NDUFAF6: variants seen among roughly 807,000 people sequenced by gnomAD.
The protein encoded by NDUFAF6 is NADH:ubiquinone oxidoreductase complex assembly factor 6, also known as NADH dehydrogenase (ubiquinone) complex I, assembly factor 6.
NDUFAF6 carries 45 observed loss-of-function variants against 40.8 expected under a neutral mutation model. That is an observed-to-expected ratio of 1.10 (90% confidence interval 0.87 to 1.42). The LOEUF (loss-of-function observed/expected upper bound fraction) is 1.42. Among genes scored for constraint, NDUFAF6 ranks in the 40% most tolerant of loss-of-function variants. The pLI, the probability that NDUFAF6 is intolerant of heterozygous loss-of-function variation, is 0.00. For synonymous variants in NDUFAF6, 185 were observed against 155.9 expected (o/e 1.19, Z -1.39); for missense variants, 435 against 418.5 (o/e 1.04, Z -0.34).
chr8:95,071,786 G>T (rs1832872170), intron 9 of NDUFAF6: 1 of 152,644 alleles, frequency 6.6e-6, no homozygotes, highest in Non-Finnish European at 1.5e-5. Flanking sequence ...AATTTTGAGG[G>T]CAGCGGGCAA....
In NDUFAF6 at chr8:95,005,911, A is replaced by G. The variant is rs192018221; in HGVS notation, c.-84+24938A>G. Among the ~76,000 whole-genome samples the G allele has an allele frequency of 2.5e-3, 384 of 152,230 alleles. 4 individuals carry two copies. The highest frequency in any genetic ancestry group is 8.8e-3 in the African/African-American group (366 of 41,544). The stretch of plus-strand genomic sequence containing the variant: ...TCCCCAGGAGACAATGCAGTTCCAG[A>G]AACCGGGCAGACGAGAGGAAGAACT... On this transcript the variant is annotated intron_variant, in intron 2 of 9. Coordinates refer to the NDUFAF6 transcript ENST00000396111.
intron 8 of NDUFAF6, among the ~76,000 whole-genome samples, chr8:95,057,527 C>T (rs377247429): frequency 1.3e-5 from 2 of 152,238 alleles, no homozygotes; most frequent in African/African-American, 2.4e-5. Context: ...GCCAGGCAAA[C>T]GTGATTTTGC....
chr8:95,019,571 G>GA (rs558737800), intron 2 of NDUFAF6, among the ~76,000 whole-genome samples: 5 of 151,570 alleles, frequency 3.3e-5, no homozygotes, highest in African/African-American at 7.3e-5. Flanking sequence ...AAAGATAAGA[G>GA]AAAAAAAACC....
chr8:94,917,766 A>AT (rs1819235537), intron 1 of NDUFAF6, among the ~76,000 whole-genome samples: 1 of 152,230 alleles, frequency 6.6e-6, no homozygotes, highest in Non-Finnish European at 1.5e-5. Context: ...CCTCCCCTAA[A>AT]TGTTATGAAT....
At chr8:95,053,136 GT>G (rs1446406342) in intron 8 of NDUFAF6, among the ~76,000 whole-genome samples, 1 of 152,116 alleles carries the variant, frequency 6.6e-6, no homozygotes, top group Non-Finnish European at 1.5e-5. Context: ...CTCTGTCTTA[GT>G]GTTCAGGTCT....
intron 2 of NDUFAF6, among the ~76,000 whole-genome samples, chr8:95,014,186 T>G (rs1827344468): frequency 6.6e-6 from 1 of 152,240 alleles, no homozygotes. Context: ...TTTGTGGTGC[T>G]TTATTATGGT....
intron 2 of NDUFAF6, among the ~76,000 whole-genome samples, chr8:95,083,261 C>CTG (rs4039709): frequency 0.87 from 132,374 of 152,100 alleles, 57,927 homozygotes; most frequent in East Asian, 1. Flanking sequence ...CTCCACTAAA[C>CTG]GGGCTCTGTC....
In NDUFAF6 at chr8:94,958,522, C is replaced by CTTTTTTTTTTTT. The variant is rs55703438; in HGVS notation, c.-199+362_-199+373dup. On this transcript the variant is annotated intron_variant, in intron 1 of 9. Transcript: ENST00000396111. The stretch of plus-strand genomic sequence containing the variant: ...CCCTATCTCCACACATAGTCACATT[C>CTTTTTTTTTTTT]TTTTTTTTTTTTTTTTTTTTTTTTT... 2.2e-4 allele frequency among the ~76,000 whole-genome samples: 16 copies of CTTTTTTTTTTTT among 71,276 alleles called. 3 individuals are homozygous for CTTTTTTTTTTTT. Among genetic ancestry groups the CTTTTTTTTTTTT allele is most frequent in the African/African-American group, 8.9e-4 (15 of 16,948 alleles). The allele number at this position is 71,276 out of a possible 152,430, so 46.8% of individuals were successfully genotyped here.
chr8:94,938,318 T>C (rs137879089), intron 1 of NDUFAF6, among the ~76,000 whole-genome samples: 112 of 152,322 alleles, frequency 7.4e-4, no homozygotes, highest in Middle Eastern at 3.4e-3. Flanking sequence ...TTGAGTTCCA[T>C]ATCCTTTTGT....
chr8:95,027,327 T>A (rs1004038702), intron 1 of NDUFAF6, among the ~76,000 whole-genome samples: 1 of 151,944 alleles, frequency 6.6e-6, no homozygotes, highest in African/African-American at 2.4e-5. Flanking sequence ...ACCTGTAACC[T>A]TAGCACTTTG....
chr8:95,112,132 CT>C (rs1220773342), intron 4 of NDUFAF6, among the ~76,000 whole-genome samples: 1 of 152,198 alleles, frequency 6.6e-6, no homozygotes, highest in East Asian at 1.9e-4. Flanking sequence ...GCCAAAGGGG[CT>C]TTGCATATGT....
intron 1 of NDUFAF6, among the ~76,000 whole-genome samples, chr8:94,970,126 G>A (rs544228723): frequency 2.0e-5 from 3 of 151,826 alleles, no homozygotes; most frequent in South Asian, 2.1e-4. Flanking sequence ...GTGGTGGCAC[G>A]CACCTGTAGT....
rs148718290 is a variant in NDUFAF6, at chr8:95,089,477, A to T, written n.214-11655A>T. The stretch of plus-strand genomic sequence containing the variant: ...TAAACTGTGTGTATATATATATATA[A>T]AAGGGAGAGGACAAGATTGTCAATA... On this transcript the variant is annotated intron_variant and non_coding_transcript_variant, in intron 2 of 5. Coordinates refer to the NDUFAF6 transcript ENST00000523184. 5.6e-3 allele frequency among the ~76,000 whole-genome samples: 803 copies of T among 144,456 alleles called. 10 individuals are homozygous for T. Among genetic ancestry groups the T allele is most frequent in the African/African-American group, 0.02 (775 of 39,050 alleles). The allele number at this position is 144,456 out of a possible 152,430, so 94.8% of individuals were successfully genotyped here. A position where few individuals can be genotyped will look rare whatever the true frequency, so the allele number is the denominator to read the frequency against.
rs1416251402 is a variant in NDUFAF6, at chr8:95,058,694, AGG to A, written c.*759_*760del. The A allele has an allele frequency of 5.2e-5, 53 of 1,020,362 alleles. No homozygotes were observed. The highest frequency in any genetic ancestry group is 5.6e-5 in the Non-Finnish European group (48 of 853,450). The allele number at this position is 1,020,362 out of a possible 1,614,324, so 63.2% of individuals were successfully genotyped here. Reference sequence around the variant, plus strand: ...CGGTATTGTATTGAACATCCATTAAAGGGTTGCTACACTTTATACTGTACATT... The same window carrying A: ...CGGTATTGTATTGAACATCCATTAAAGTTGCTACACTTTATACTGTACATT... On this transcript the variant is annotated 3_prime_UTR_variant, in exon 9 of 9. Coordinates refer to ENST00000396124, the MANE Select transcript of NDUFAF6 (RefSeq NM_152416.4).
At chr8:95,047,221 T>C in intron 6 of NDUFAF6, 94 bp downstream of exon 6, 1 of 1,546,140 alleles carries the variant, frequency 6.5e-7, no homozygotes, top group Non-Finnish European at 8.9e-7. Context: ...TTCAAGTAAT[T>C]GCTTTGAAAG....
chr8:95,076,803 G>T (rs1444355720), downstream of NDUFAF6, among the ~76,000 whole-genome samples: 1 of 150,684 alleles, frequency 6.6e-6, no homozygotes, highest in Non-Finnish European at 1.5e-5. Context: ...AACCCGGGAG[G>T]CAGGGTTTGT....
chr8:95,025,056 C>T lies in NDUFAF6; in HGVS notation c.48C>T (p.Gly16=), dbSNP rs772191309. 1 of 1,419,456 alleles carries T rather than the reference C, an allele frequency of 7.0e-7. No individual in the cohort carries two copies. Among genetic ancestry groups the T allele is most frequent in the Non-Finnish European group, 9.1e-7 (1 of 1,098,884 alleles). 87.9% of individuals were successfully genotyped at this position (1,419,456 alleles called of 1,614,324 possible). A position where few individuals can be genotyped will look rare whatever the true frequency, so the allele number is the denominator to read the frequency against. Residue 16 remains glycine, a synonymous_variant, in exon 1 of 9, where the codon GGC becomes GGT. Transcript: ENST00000396124. ...HGSVWGPLRL[G]IPGLCCRRPP... ...CTGTCTGGGGGCCGTTGCGGCTTGG[C>T]ATCCCCGGCCTGTGCTGCCGCCGGC...
chr8:94,965,759 C>T (rs1823963904), intron 1 of NDUFAF6, among the ~76,000 whole-genome samples: 1 of 152,118 alleles, frequency 6.6e-6, no homozygotes, highest in Admixed American at 6.5e-5. Context: ...AAGTCATTTA[C>T]CTGAAGGTGA....
chr8:95,077,896 G>A (rs1808684472), downstream of NDUFAF6, among the ~76,000 whole-genome samples: 2 of 151,938 alleles, frequency 1.3e-5, no homozygotes, highest in Admixed American at 6.6e-5. Flanking sequence ...GCCAGTCTAG[G>A]TGCATGGCCA....
Sources: gnomAD v4.1 joint callset for allele counts (sites outside exome capture counted in the v4.1 genomes callset) on GRCh38, gnomAD v4.1.1 for gene constraint, MANE v1.5 for transcripts, NCBI Gene and HGNC (gene_info 2026-07-23, HGNC 2026-07-21) for gene names.